The following RPS6KA5 variants were observed in gnomAD, a reference collection of about 807,000 sequenced individuals.
The protein encoded by RPS6KA5 is ribosomal protein S6 kinase A5.
Under a neutral mutation model 85.5 loss-of-function variants are expected in RPS6KA5, and 27 were observed. That is an observed-to-expected ratio of 0.32 (90% confidence interval 0.23 to 0.44). The LOEUF (loss-of-function observed/expected upper bound fraction) is 0.44, where lower values mean the gene tolerates loss of function less well. RPS6KA5 is among the 20% of genes least tolerant of loss of function. RPS6KA5 has a pLI of 1.00. For synonymous variants in RPS6KA5, 334 were observed against 348.2 expected (o/e 0.96, Z 0.46); for missense variants, 811 against 980.9 (o/e 0.83, Z 2.31).
In RPS6KA5 at chr14:90,946,262, C is replaced by T. The variant is rs1482380901; in HGVS notation, c.510+1173G>A. ...TTTGAGTGCCTACTTGACTGCACCT[C>T]GTTCCCCTTCCTCTCCATTGTGCTG... On this transcript the variant is annotated intron_variant, in intron 4 of 16. Coordinates refer to ENST00000614987, the MANE Select transcript of RPS6KA5 (RefSeq NM_004755.4). Among the ~76,000 whole-genome samples the T allele has an allele frequency of 1.2e-4, 18 of 151,402 alleles. 1 individual carries two copies. The highest frequency in any genetic ancestry group is 9.9e-4 in the Admixed American group (15 of 15,156).
In RPS6KA5 at chr14:90,863,117, A is replaced by G. The variant is rs1341023262; in HGVS notation, c.*8957T>C. ...CAGGAATTCGAGGCCAGTCTGGCCA[A>G]TATGGTGAAACCCCATCTCTACTAA... On this transcript the variant is annotated 3_prime_UTR_variant, in exon 17 of 17. Transcript: ENST00000614987. The G allele has an allele frequency of 6.6e-6, 1 of 151,808 alleles. No individual in the cohort carries two copies. The highest frequency in any genetic ancestry group is 1.5e-5 in the Non-Finnish European group (1 of 67,958). The allele number at this position is 151,808 out of a possible 1,614,324, so 9.4% of individuals were successfully genotyped here.
At chr14:91,048,822 TTTAA>T (rs2042964132) in intron 1 of RPS6KA5, among the ~76,000 whole-genome samples, 1 of 152,208 alleles carries the variant, frequency 6.6e-6, no homozygotes, top group Non-Finnish European at 1.5e-5. Flanking sequence ...CAACAGTGTA[TTTAA>T]TTGTGAAGCT....
rs1320159720 is a variant in RPS6KA5, at chr14:91,020,130, T to C, written c.104-18971A>G. Among the ~76,000 whole-genome samples, 14 of 152,342 alleles carry C rather than the reference T, an allele frequency of 9.2e-5. No homozygotes were observed. In the East Asian group the frequency reaches 2.7e-3, roughly 29 times the overall value. On this transcript the variant is annotated intron_variant, in intron 1 of 16. Transcript: ENST00000614987. Reference sequence around the variant, plus strand: ...TTATAATCTAATGGGACCACTGTTGTATAGCAGTCCATCACTGACTGAAAT... The same window carrying C: ...TTATAATCTAATGGGACCACTGTTGCATAGCAGTCCATCACTGACTGAAAT...
Position 91,053,261 on chromosome 14 carries a change from T to C in RPS6KA5, c.103+7071A>G, listed in dbSNP as rs146344140. ...AACCCATAGCTAACCCCATACTCAG[T>C]GGTAGAAGACTAAAGCTTTCACCCT... is the stretch of plus-strand genomic sequence containing the variant. On this transcript the variant is annotated intron_variant, in intron 1 of 16. Transcript: ENST00000614987. Among the ~76,000 whole-genome samples the C allele has an allele frequency of 3.0e-4, 46 of 152,320 alleles. 1 individual carries two copies. The highest frequency in any genetic ancestry group is 9.6e-4 in the African/African-American group (40 of 41,566).
intron 5 of RPS6KA5, among the ~76,000 whole-genome samples, chr14:90,927,131 C>T (rs1343811937): frequency 2.0e-5 from 3 of 151,982 alleles, no homozygotes; most frequent in Admixed American, 6.6e-5. Context: ...AGTCAGAGCA[C>T]AAGTCTAAAA....
intron 1 of RPS6KA5, among the ~76,000 whole-genome samples, chr14:91,049,231 T>C (rs2042976388): frequency 6.6e-6 from 1 of 152,216 alleles, no homozygotes; most frequent in Non-Finnish European, 1.5e-5. Context: ...AATAATCTAT[T>C]CGTATTTTAA....
chr14:91,035,631 A>T (rs2042363620), intron 1 of RPS6KA5, among the ~76,000 whole-genome samples: 1 of 151,908 alleles, frequency 6.6e-6, no homozygotes. Flanking sequence ...AACAGAAAGG[A>T]TCCAACAGAA....
intron 3 of RPS6KA5, among the ~76,000 whole-genome samples, chr14:90,949,077 T>A (rs890423275): frequency 6.6e-6 from 1 of 152,250 alleles, no homozygotes; most frequent in Admixed American, 6.5e-5. Flanking sequence ...CAAGGAGTTT[T>A]AATTATACCT....
rs1043720038 is a variant in RPS6KA5, at chr14:90,851,774, G to C, written c.*20300C>G. 4.6e-5 allele frequency: 7 copies of C among 152,264 alleles called. No homozygotes were observed. The East Asian group carries it at 9.6e-4, about 21-fold the overall frequency. 9.4% of individuals were successfully genotyped at this position (152,264 alleles called of 1,614,324 possible). ...CTTTAGATACTGGTAGATATCATTAGTAAAAACTGAATGGTTTTTACTAAT... is the reference window on the plus strand; with the variant it reads ...CTTTAGATACTGGTAGATATCATTACTAAAAACTGAATGGTTTTTACTAAT... On this transcript the variant is annotated 3_prime_UTR_variant, in exon 17 of 17. Transcript: ENST00000614987.
chr14:91,045,323 G>A (rs566098746), intron 1 of RPS6KA5, among the ~76,000 whole-genome samples: 52 of 147,182 alleles, frequency 3.5e-4, no homozygotes, highest in African/African-American at 1.1e-3. Flanking sequence ...TGCAATCAAC[G>A]GCGTGATCTT....
intron 1 of RPS6KA5, among the ~76,000 whole-genome samples, chr14:91,014,043 T>C (rs1381101130): frequency 6.6e-6 from 1 of 152,140 alleles, no homozygotes; most frequent in African/African-American, 2.4e-5. Context: ...GTACTAGGGA[T>C]AAAAAATAAG....
rs991432504 is a variant in RPS6KA5 at position 90,871,738 on chromosome 14, T to G, written c.*336A>C. 4 of 193,528 alleles carry G rather than the reference T, an allele frequency of 2.1e-5. No individual in the cohort carries two copies. Among genetic ancestry groups the G allele is most frequent in the South Asian group, 2.5e-4 (2 of 8,144 alleles). 12.0% of individuals were successfully genotyped at this position (193,528 alleles called of 1,614,324 possible). On this transcript the variant is annotated 3_prime_UTR_variant, in exon 17 of 17. Coordinates refer to ENST00000614987, the MANE Select transcript of RPS6KA5 (RefSeq NM_004755.4). The stretch of plus-strand genomic sequence containing the variant: ...GCAAAAGGTATCATCACAGTATGAG[T>G]CATTTCTTGTTGGCAGACATCTGGA...
chr14:90,912,732 G>T (rs927795289), intron 7 of RPS6KA5, among the ~76,000 whole-genome samples: 9 of 151,922 alleles, frequency 5.9e-5, no homozygotes, highest in African/African-American at 1.9e-4. Context: ...GGCCACACCA[G>T]CCAGGTCATT....
chr14:90,994,192 T>C (rs1343426805), intron 2 of RPS6KA5, among the ~76,000 whole-genome samples: 2 of 152,120 alleles, frequency 1.3e-5, no homozygotes, highest in Admixed American at 1.3e-4. Flanking sequence ...TATATCTTAA[T>C]AGTCCTCTCA....
At chr14:91,030,934 C>T (rs1335997480) in intron 1 of RPS6KA5, among the ~76,000 whole-genome samples, 1 of 151,946 alleles carries the variant, frequency 6.6e-6, no homozygotes, top group Admixed American at 6.6e-5. Flanking sequence ...CTTGGAAATC[C>T]AGTATCTAAG....
At position 90,900,257 on chromosome 14, in the gene RPS6KA5, C is replaced by T; in HGVS notation, c.1246-16G>A. 1.3e-6 allele frequency: 2 copies of T among 1,522,188 alleles called. No homozygotes were observed. The highest frequency in any genetic ancestry group is 1.8e-6 in the Non-Finnish European group (2 of 1,134,998). 94.3% of individuals were successfully genotyped at this position (1,522,188 alleles called of 1,614,324 possible). A position where few individuals can be genotyped will look rare whatever the true frequency, so the allele number is the denominator to read the frequency against. On this transcript the variant is annotated splice_polypyrimidine_tract_variant and intron_variant, in intron 10 of 16. Transcript: ENST00000614987. ...ATGGAGAGTCCTGTCAAGAAATCAA[C>T]ATCATTTAACTTCAGAAAATGTCAG... is the stretch of plus-strand genomic sequence containing the variant.
rs761479240 is a variant in RPS6KA5, at chr14:91,060,486, C to G, written c.-52G>C. 24 of 1,309,116 alleles carry G rather than the reference C, an allele frequency of 1.8e-5. No homozygotes were observed. Among genetic ancestry groups the G allele is most frequent in the Middle Eastern group, 2.0e-4 (1 of 4,948 alleles). 81.1% of individuals were successfully genotyped at this position (1,309,116 alleles called of 1,614,324 possible). ...GTCGCTACGAGGGGAACCCAGGAGA[C>G]AGCGGACGCCCGTCCCCTCGCAGCC... On this transcript the variant is annotated 5_prime_UTR_variant, in exon 1 of 17. Transcript: ENST00000614987.
chr14:91,007,928 G>A (rs1226720821), intron 1 of RPS6KA5, among the ~76,000 whole-genome samples: 2 of 152,002 alleles, frequency 1.3e-5, no homozygotes, highest in African/African-American at 2.4e-5. Context: ...ACACTCAAAG[G>A]TAACTATTGT....
At chr14:90,886,168 ATAAT>A (rs1389330572) in intron 14 of RPS6KA5, among the ~76,000 whole-genome samples, 8 of 152,214 alleles carry the variant, frequency 5.3e-5, no homozygotes, top group Admixed American at 1.3e-4. Flanking sequence ...CACACTAGAA[ATAAT>A]TAGAGAGAAA....
Sources: allele counts gnomAD v4.1 joint callset (sites outside exome capture counted in the v4.1 genomes callset), GRCh38; gene constraint gnomAD v4.1.1; transcripts MANE v1.5; gene names NCBI Gene and HGNC (gene_info 2026-07-23, HGNC 2026-07-21).